TMX3: variants seen among roughly 807,000 people sequenced by gnomAD.
TMX3 encodes the protein protein disulfide-isomerase TMX3.
A neutral mutation model predicts 64.4 loss-of-function variants in TMX3; 40 were observed. The observed-to-expected ratio is 0.62, with a 90% CI of 0.48 to 0.81. The LOEUF is 0.81. Among genes scored for constraint, TMX3 ranks in the 30% least tolerant of loss-of-function variants. TMX3 has a pLI of 0.00. For synonymous variants in TMX3, 189 were observed against 175.7 expected (o/e 1.08, Z -0.60); for missense variants, 497 against 534.5 (o/e 0.93, Z 0.69).
chr18:68,706,902 C>T (rs1220524756), intron 4 of TMX3, among the ~76,000 whole-genome samples: 1 of 152,198 alleles, frequency 6.6e-6, no homozygotes, highest in Admixed American at 6.5e-5. Context: ...CTTCACTACA[C>T]ATAACACATT....
chr18:68,710,220 A>C, intron 3 of TMX3, 76 bp from the exon 4 acceptor site: 2 of 1,254,530 alleles, frequency 1.6e-6, no homozygotes, highest in Non-Finnish European at 2.1e-6. Flanking sequence ...TATGAATCTT[A>C]ATATTTAAAG....
At chr18:68,685,465 G>A (rs933342460) in intron 10 of TMX3, among the ~76,000 whole-genome samples, 5 of 151,912 alleles carry the variant, frequency 3.3e-5, no homozygotes, top group African/African-American at 1.2e-4. Context: ...GAAATATCTC[G>A]TTTGCTATTC....
chr18:68,700,999 C>T, intron 5 of TMX3: 1 of 985,212 alleles, frequency 1.0e-6, no homozygotes, highest in Non-Finnish European at 1.2e-6. Flanking sequence ...ATGAATTAAT[C>T]TGTGTGCCTA....
intron 4 of TMX3, among the ~76,000 whole-genome samples, chr18:68,703,561 T>C (rs2030341148): frequency 6.6e-6 from 1 of 152,186 alleles, no homozygotes; most frequent in South Asian, 2.1e-4. Context: ...CCCACATCCC[T>C]TGGCTTCTTG....
In TMX3 at chr18:68,682,962, T is replaced by C. The variant is rs750739107; in HGVS notation, c.868A>G (p.Met290Val). Residue 290 changes from methionine (M) to valine (V), a missense_variant, in exon 13 of 16, where the codon ATG becomes GTG. Transcript: ENST00000299608. ...LFHRDFQFGHMDGNDYINTLL... is the reference protein window; with the variant it reads ...LFHRDFQFGHVDGNDYINTLL... ...GTATTTATGTAGTCATTTCCATCCA[T>C]GTGGCCAAACTGAAAATCCCTAACC... The C allele has an allele frequency of 1.5e-5, 24 of 1,610,518 alleles. No individual in the cohort carries two copies. Among genetic ancestry groups the C allele is most frequent in the Middle Eastern group, 3.3e-4 (2 of 6,048 alleles).
At chr18:68,706,996 ATTGACTTATG>A (rs2030740165) in intron 4 of TMX3, among the ~76,000 whole-genome samples, 1 of 152,224 alleles carries the variant, frequency 6.6e-6, no homozygotes, top group Non-Finnish European at 1.5e-5. Flanking sequence ...ACATTAGACA[ATTGACTTATG>A]TTCACAAGTT....
intron 1 of TMX3, chr18:68,714,126 C>A: frequency 3.4e-6 from 1 of 292,788 alleles, no homozygotes; most frequent in Non-Finnish European, 6.4e-6. Context: ...CTAGGTAAGC[C>A]AATAAATCTA....
rs191208254 is a variant in TMX3 at position 68,702,298 on chromosome 18, G to A, written c.266-508C>T. ...TTGTATTTGCAAAATTAATTACTAT[G>A]GTCAACAGAGGATCGAAAAGCAACT... On this transcript the variant is annotated intron_variant, in intron 4 of 15. Coordinates refer to ENST00000299608, the MANE Select transcript of TMX3 (RefSeq NM_019022.5). 1.2e-3 allele frequency among the ~76,000 whole-genome samples: 177 copies of A among 151,058 alleles called. 2 individuals are homozygous for A. The highest frequency in any genetic ancestry group is 2.5e-4 in the Non-Finnish European group (17 of 67,790).
At chr18:68,711,740 A>G (rs889870970) in intron 2 of TMX3, among the ~76,000 whole-genome samples, 1 of 152,218 alleles carries the variant, frequency 6.6e-6, no homozygotes, top group Non-Finnish European at 1.5e-5. Flanking sequence ...TGAGGCTGCT[A>G]TGCTTAGAAA....
chr18:68,698,136 A>C, intron 6 of TMX3, 105 bp from the exon 7 acceptor site: 1 of 710,944 alleles, frequency 1.4e-6, no homozygotes, highest in Non-Finnish European at 2.3e-6. Context: ...AGTTTCAATA[A>C]TATATCAACT....
intron 12 of TMX3, 152 bp from the exon 13 acceptor site, chr18:68,683,133 T>A: frequency 1.6e-6 from 1 of 628,916 alleles, no homozygotes; most frequent in Non-Finnish European, 2.7e-6. Context: ...ATTTCACATG[T>A]AAATCATATA....
intron 8 of TMX3, among the ~76,000 whole-genome samples, chr18:68,694,824 C>T (rs1914897259): frequency 1.3e-5 from 2 of 152,166 alleles, no homozygotes; most frequent in South Asian, 4.1e-4. Flanking sequence ...CATCTACATA[C>T]ATATTGCAGG....
At chr18:68,679,639 C>T in intron 14 of TMX3, 108 bp from the exon 15 acceptor site, 2 of 849,632 alleles carry the variant, frequency 2.4e-6, no homozygotes, top group South Asian at 1.8e-5. Flanking sequence ...CAAAATATTA[C>T]ATAATCACCT....
intron 2 of TMX3, among the ~76,000 whole-genome samples, chr18:68,713,058 A>G (rs1449803492): frequency 8.6e-5 from 13 of 151,822 alleles, no homozygotes; most frequent in Admixed American, 7.9e-4. Context: ...ATCTCTCCCC[A>G]TGAAACAGCA....
At chr18:68,687,143 T>C in intron 10 of TMX3, 1 of 984,870 alleles carries the variant, frequency 1.0e-6, no homozygotes, top group Non-Finnish European at 1.2e-6. Context: ...CTCCTAAAAC[T>C]TACAGTTAGC....
At chr18:68,685,219 T>C (rs150738504) in intron 10 of TMX3, among the ~76,000 whole-genome samples, 13 of 152,288 alleles carry the variant, frequency 8.5e-5, no homozygotes, top group African/African-American at 3.1e-4. Context: ...AACTAATATA[T>C]ATTTCATAGA....
intron 8 of TMX3, among the ~76,000 whole-genome samples, chr18:68,692,463 T>C (rs1914618037): frequency 6.6e-6 from 1 of 152,186 alleles, no homozygotes; most frequent in South Asian, 2.1e-4. Flanking sequence ...TATTCTGAAG[T>C]CAGAAATTGT....
At chr18:68,693,335 T>G (rs1306432862) in intron 8 of TMX3, among the ~76,000 whole-genome samples, 2 of 151,918 alleles carry the variant, frequency 1.3e-5, no homozygotes, top group Non-Finnish European at 2.9e-5. Context: ...GTTCGTGGGG[T>G]GGGAGCCCCA....
chr18:68,707,604 T>C (rs2030802229), intron 4 of TMX3, among the ~76,000 whole-genome samples: 1 of 152,242 alleles, frequency 6.6e-6, no homozygotes, highest in Non-Finnish European at 1.5e-5. Context: ...GCACTATTTT[T>C]CTCATTGACT....
Sources: allele counts gnomAD v4.1 joint callset (sites outside exome capture counted in the v4.1 genomes callset), GRCh38; gene constraint gnomAD v4.1.1; transcripts MANE v1.5; gene names NCBI Gene and HGNC (gene_info 2026-07-23, HGNC 2026-07-21).